KIF4A: variants seen among roughly 807,000 people sequenced by gnomAD.
KIF4A encodes the protein kinesin family member 4A.
KIF4A carries 7 observed loss-of-function variants against 105.9 expected under a neutral mutation model. The observed-to-expected ratio is 0.07, with a 90% CI of 0.04 to 0.12. The LOEUF is 0.12. Ranked by LOEUF, KIF4A falls within the 10% of genes least tolerant of loss-of-function variation. The pLI is 1.00. For missense variants in KIF4A, 558 were observed against 929.2 expected (o/e 0.60, Z 5.19); for synonymous variants, 281 against 331.3 (o/e 0.85, Z 1.65).
intron 7 of KIF4A, among the ~76,000 whole-genome samples, chrX:70,320,675 G>T (rs1602747440): frequency 2.7e-5 from 3 of 112,071 alleles, no homozygotes; most frequent in Middle Eastern, 9.2e-3. Flanking sequence ...GCCAAGAAGG[G>T]TGTGGGAGTG....
chrX:70,377,820 A>G (rs1276608625), intron 18 of KIF4A, among the ~76,000 whole-genome samples: 2 of 112,328 alleles, frequency 1.8e-5, no homozygotes, highest in Non-Finnish European at 1.9e-5. Context: ...TGTGATCTCC[A>G]GTATTCAGGA....
At chrX:70,381,162 C>T in intron 18 of KIF4A, among the ~76,000 whole-genome samples, 1 of 109,415 alleles carries the variant, frequency 9.1e-6, no homozygotes, top group African/African-American at 3.3e-5. Context: ...AACAAACAAA[C>T]AAAAAAAACA....
At position 70,316,618 on chromosome X, in the gene KIF4A, A is replaced by AT. The variant is rs2085870710; in HGVS notation, c.779-12785dup. 2.8e-5 allele frequency among the ~76,000 whole-genome samples: 3 copies of AT among 105,440 alleles called. No homozygotes were observed. In the South Asian group the frequency reaches 1.1e-3, roughly 39 times the overall value. 91.6% of individuals were successfully genotyped at this position (105,440 alleles called of 115,157 possible). On this transcript the variant is annotated intron_variant, in intron 7 of 30. Transcript: ENST00000374403. The stretch of plus-strand genomic sequence containing the variant: ...TGTAATATAATGATATCAAGTCATC[A>AT]TTATACAGTTCAACGAATGTTCACA...
intron 18 of KIF4A, among the ~76,000 whole-genome samples, chrX:70,384,685 C>G: frequency 9.0e-6 from 1 of 111,141 alleles, no homozygotes; most frequent in Non-Finnish European, 1.9e-5. Context: ...GATCGAGCCA[C>G]TGCACTACAG....
chrX:70,390,934 T>G (rs2086235457), intron 20 of KIF4A, among the ~76,000 whole-genome samples: 1 of 112,342 alleles, frequency 8.9e-6, no homozygotes, highest in African/African-American at 3.2e-5. Flanking sequence ...ATCTGTAGTT[T>G]GCGTGTTTTT....
chrX:70,291,439 A>G (rs2085760240), intron 3 of KIF4A, among the ~76,000 whole-genome samples: 1 of 110,621 alleles, frequency 9.0e-6, no homozygotes, highest in African/African-American at 3.3e-5. Context: ...GTCTTGAATA[A>G]TGAGTATACT....
Position 70,333,703 on chromosome X carries a change from A to T in KIF4A, c.1133+14A>T, listed in dbSNP as rs1410008201. ...TGGATCTATAACGTAAGAGTCATAG[A>T]TTAATTTGAATTGTGTATTCTAATA... On this transcript the variant is annotated intron_variant, in intron 10 of 30. Coordinates refer to ENST00000374403, the MANE Select transcript of KIF4A (RefSeq NM_012310.5). 8 of 1,080,527 alleles carry T rather than the reference A, an allele frequency of 7.4e-6. No homozygotes were observed. Among genetic ancestry groups the T allele is most frequent in the Non-Finnish European group, 1.0e-5 (8 of 777,270 alleles). The allele number at this position is 1,080,527 out of a possible 1,213,427, so 89.0% of individuals were successfully genotyped here.
chrX:70,338,390 A>G (rs1368437693), intron 10 of KIF4A, among the ~76,000 whole-genome samples: 2 of 112,237 alleles, frequency 1.8e-5, no homozygotes, highest in Admixed American at 9.4e-5. Flanking sequence ...GACATTTCGT[A>G]TACATGGAAT....
Position 70,403,840 on chromosome X carries a change from C to T in KIF4A, c.2620-24C>T. 2.6e-6 allele frequency: 3 copies of T among 1,164,879 alleles called. No homozygotes were observed. The South Asian group carries it at 5.8e-5, about 23-fold the overall frequency. ...GAAAGGTGGTCATTCTTCAAATAAA[C>T]TGATCTTCTTTTATTCCTTCCAGCT... On this transcript the variant is annotated intron_variant, in intron 23 of 30. Transcript: ENST00000374403.
intron 10 of KIF4A, among the ~76,000 whole-genome samples, chrX:70,339,546 T>C (rs2085964590): frequency 8.9e-6 from 1 of 112,720 alleles, no homozygotes; most frequent in Non-Finnish European, 1.9e-5. Flanking sequence ...AAGAAACAGT[T>C]GATGAATCAA....
chrX:70,346,367 C>A (rs1393493490), intron 13 of KIF4A, among the ~76,000 whole-genome samples: 1 of 111,703 alleles, frequency 9.0e-6, no homozygotes, highest in Non-Finnish European at 1.9e-5. Context: ...CCAAAACTTA[C>A]AAGCTCAGAA....
chrX:70,317,504 G>T (rs2085873813), intron 7 of KIF4A, among the ~76,000 whole-genome samples: 1 of 101,938 alleles, frequency 9.8e-6, no homozygotes, highest in African/African-American at 3.6e-5. Context: ...CTCTCTCCAG[G>T]TATCCATTCT....
chrX:70,386,454 G>A (rs2086217922), intron 18 of KIF4A, among the ~76,000 whole-genome samples, 164 bp from the exon 19 acceptor site: 1 of 111,662 alleles, frequency 9.0e-6, no homozygotes, highest in South Asian at 3.8e-4. Flanking sequence ...ACACAAACAT[G>A]GTTTCTAGAA....
chrX:70,375,587 A>G (rs2086171733), intron 17 of KIF4A, among the ~76,000 whole-genome samples: 1 of 111,788 alleles, frequency 8.9e-6, no homozygotes, highest in African/African-American at 3.3e-5. Context: ...TCTGAAACCA[A>G]AGAACAAAGA....
At chrX:70,314,488 A>T (rs2085862264) in intron 7 of KIF4A, among the ~76,000 whole-genome samples, 1 of 111,819 alleles carries the variant, frequency 8.9e-6, no homozygotes, top group African/African-American at 3.3e-5. Context: ...AAAACAGGAG[A>T]TAGGTATATA....
At chrX:70,337,238 A>G (rs2085953860) in intron 10 of KIF4A, among the ~76,000 whole-genome samples, 1 of 111,727 alleles carries the variant, frequency 9.0e-6, no homozygotes, top group Non-Finnish European at 1.9e-5. Context: ...AAGTCCCAGC[A>G]ACTCAGTAGG....
At chrX:70,409,904 T>C (rs1173923119) in intron 28 of KIF4A, among the ~76,000 whole-genome samples, 1 of 111,166 alleles carries the variant, frequency 9.0e-6, no homozygotes, top group East Asian at 2.8e-4. Flanking sequence ...AAGGAAAGCT[T>C]CATATATTTA....
intron 18 of KIF4A, among the ~76,000 whole-genome samples, chrX:70,380,079 G>T (rs983804690): frequency 2.7e-5 from 3 of 111,830 alleles, no homozygotes; most frequent in African/African-American, 9.7e-5. Flanking sequence ...GAGATGGGCA[G>T]ATCACTTGAG....
intron 7 of KIF4A, among the ~76,000 whole-genome samples, chrX:70,323,676 G>T (rs1004599670): frequency 4.5e-5 from 5 of 110,690 alleles, no homozygotes; most frequent in African/African-American, 1.3e-4. Context: ...TACTATATTT[G>T]CTTTATCACA....
Sources: gnomAD v4.1 joint callset for allele counts (sites outside exome capture counted in the v4.1 genomes callset) on GRCh38, gnomAD v4.1.1 for gene constraint, MANE v1.5 for transcripts, NCBI Gene and HGNC (gene_info 2026-07-23, HGNC 2026-07-21) for gene names.